The following AMER1 variants were observed in gnomAD, a reference collection of about 807,000 sequenced individuals.
AMER1 encodes APC membrane recruitment protein 1, also known as RP11-403E24.2.
In AMER1, 16 loss-of-function variants were observed where a neutral mutation model predicts 53.0. That is an observed-to-expected ratio of 0.30 (90% CI 0.20 to 0.46). AMER1 has a LOEUF of 0.46. AMER1 is among the 20% of genes least tolerant of loss of function. The probability of loss-of-function intolerance (pLI) is 1.00; values close to 1 mark genes in which losing one functional copy is unlikely to be tolerated. For synonymous variants in AMER1, 354 were observed against 331.9 expected, an observed-to-expected ratio of 1.07 and a Z score of -0.73; for missense variants, 947 against 884.9, an observed-to-expected ratio of 1.07 and a Z score of -0.89.
chrX:64,203,728 G>A (rs539912051), intron 1 of AMER1, among the ~76,000 whole-genome samples: 3 of 111,444 alleles, frequency 2.7e-5, no homozygotes, highest in African/African-American at 9.8e-5. Context: ...GGTGTAGGCT[G>A]AGTGGGTTTG....
At position 64,186,022 on chromosome X, in the gene AMER1, TA is replaced by T; in HGVS notation, c.*3856del. 2.5e-6 allele frequency: 2 copies of T among 798,455 alleles called. No individual in the cohort carries two copies. Among genetic ancestry groups the T allele is most frequent in the South Asian group, 3.0e-5 (1 of 33,853 alleles). The allele number at this position is 798,455 out of a possible 1,213,427, so 65.8% of individuals were successfully genotyped here. A position where few individuals can be genotyped will look rare whatever the true frequency, so the allele number is the denominator to read the frequency against. On this transcript the variant is annotated 3_prime_UTR_variant, in exon 2 of 2. Coordinates refer to ENST00000374869, the MANE Select transcript of AMER1 (RefSeq NM_152424.4). ...CACAAAACATAACGAGGAAAAAAAA[TA>T]AGACACATGAGTACTCTCAGAGGGT...
At chrX:64,203,016 C>T (rs1007797076) in intron 1 of AMER1, among the ~76,000 whole-genome samples, 1 of 111,576 alleles carries the variant, frequency 9.0e-6, no homozygotes, top group Non-Finnish European at 1.9e-5. Flanking sequence ...ATCACTTTCT[C>T]CCCTCCCATT....
chrX:64,190,945 T>C lies in AMER1; in HGVS notation c.2342A>G (p.Asn781Ser), dbSNP rs1483729468. ...QALVEFTSNG[N>S]LFSSMSCSSD... ...GCTGCAGGACATGCTGGAAAAGAGG[T>C]TCCCATTGCTGGTGAACTCTACCAG... is the stretch of plus-strand genomic sequence containing the variant. The change falls in exon 2 of 2, where the codon AAC becomes AGC. Residue 781 changes from asparagine (N) to serine (S), a missense_variant. Coordinates refer to ENST00000374869, the MANE Select transcript of AMER1 (RefSeq NM_152424.4). 7.4e-6 allele frequency: 9 copies of C among 1,210,696 alleles called. No homozygotes were observed. Among genetic ancestry groups the C allele is most frequent in the Non-Finnish European group, 8.9e-6 (8 of 895,109 alleles).
At position 64,191,996 on chromosome X, in the gene AMER1, G is replaced by A. The variant is rs1395933177; in HGVS notation, c.1291C>T (p.Pro431Ser). ...AGGAGCATGTAGCCGTGGTGGCCTG[G>A]GGATGTGGTGGGATGGTAGCCCAGG... ...MNLGYHPTTS[P>S]GHHGYMLLDP... Residue 431 changes from proline to serine, a missense_variant, in exon 2 of 2, where the codon CCA (proline) becomes TCA (serine). Pro to Ser is a moderately conservative substitution (Grantham distance 74). Coordinates refer to ENST00000374869, the MANE Select transcript of AMER1 (RefSeq NM_152424.4). The A allele has an allele frequency of 8.3e-7, 1 of 1,210,357 alleles. No homozygotes were observed.
chrX:64,192,903 G>A lies in AMER1; in HGVS notation c.384C>T (p.Pro128=). The change falls in exon 2 of 2, where the codon CCC becomes CCT. Residue 128 remains proline, a synonymous_variant. Coordinates refer to ENST00000374869, the MANE Select transcript of AMER1 (RefSeq NM_152424.4). ...LPLPELPCQF[P]SSQSAHGALE... ...AAGCCCCATGGGCACTCTGAGAGCTGGGAAATTGGCAGGGTAACTCAGGCA... is the reference window on the plus strand; with the variant it reads ...AAGCCCCATGGGCACTCTGAGAGCTAGGAAATTGGCAGGGTAACTCAGGCA... 1.7e-6 allele frequency: 2 copies of A among 1,211,987 alleles called. No individual in the cohort carries two copies. The highest frequency in any genetic ancestry group is 2.2e-6 in the Non-Finnish European group (2 of 895,578).
intron 1 of AMER1, among the ~76,000 whole-genome samples, chrX:64,204,734 G>A (rs1930561702): frequency 8.8e-6 from 1 of 113,245 alleles, no homozygotes; most frequent in Admixed American, 9.2e-5. Context: ...CAAGGGAAAA[G>A]GAGGTGAGGC....
chrX:64,186,044 AG>A lies in AMER1; in HGVS notation c.*3834del, dbSNP rs1266638918. The stretch of plus-strand genomic sequence containing the variant: ...AAATAAGACACATGAGTACTCTCAG[AG>A]GGTCTAGACATGGGGAAGAAGGGTT... On this transcript the variant is annotated 3_prime_UTR_variant, in exon 2 of 2. Coordinates refer to ENST00000374869, the MANE Select transcript of AMER1 (RefSeq NM_152424.4). 19 of 977,450 alleles carry A rather than the reference AG, an allele frequency of 1.9e-5. No homozygotes were observed. The highest frequency in any genetic ancestry group is 2.2e-5 in the Non-Finnish European group (15 of 694,984). The allele number at this position is 977,450 out of a possible 1,213,427, so 80.6% of individuals were successfully genotyped here.
rs1464385859 is a variant in AMER1, at chrX:64,191,192, G to A, written c.2095C>T (p.Arg699Cys). The A allele has an allele frequency of 6.6e-6, 8 of 1,210,540 alleles. No homozygotes were observed. Among genetic ancestry groups the A allele is most frequent in the East Asian group, 3.0e-5 (1 of 33,724 alleles). Reference sequence around the variant, plus strand: ...CCTTCATAACGCTTCTCCAGAGGACGGAAGTCCCTCCAGTCTGGCTCGCTG... The same window carrying A: ...CCTTCATAACGCTTCTCCAGAGGACAGAAGTCCCTCCAGTCTGGCTCGCTG... ...ASSEPDWRDF[R>C]PLEKRYEGTC... The change falls in exon 2 of 2, where the codon CGT (arginine) becomes TGT (cysteine). Residue 699 changes from arginine to cysteine, a missense_variant. Transcript: ENST00000374869.
chrX:64,193,039 T>C lies in AMER1; in HGVS notation c.248A>G (p.Lys83Arg), dbSNP rs1186604574. 8.3e-7 allele frequency: 1 copy of C among 1,211,716 alleles called. No individual in the cohort carries two copies. The highest frequency in any genetic ancestry group is 1.1e-6 in the Non-Finnish European group (1 of 895,433). Residue 83 changes from lysine to arginine, a missense_variant, in exon 2 of 2, where the codon AAA becomes AGA. Coordinates refer to ENST00000374869, the MANE Select transcript of AMER1 (RefSeq NM_152424.4). ...GCTGAGACCTTTCTTGGAGCTGCCT[T>C]TCCCAGAACCTTTGCTCCGTCCCCC... ...FGGGRSKGSG[K>R]GSSKKGLSKS...
In AMER1 at chrX:64,187,675, A is replaced by T. The variant is rs973313114; in HGVS notation, c.*2204T>A. ...TCAAGCTGCCCTGAAAGAAGAGGCA[A>T]GAGGTGGGTTCTTCCCTGTTGTAAA... On this transcript the variant is annotated 3_prime_UTR_variant, in exon 2 of 2. Coordinates refer to ENST00000374869, the MANE Select transcript of AMER1 (RefSeq NM_152424.4). 2.1e-5 allele frequency: 16 copies of T among 773,662 alleles called. No individual in the cohort carries two copies. In the African/African-American group the frequency reaches 3.4e-4, roughly 17 times the overall value. 63.8% of individuals were successfully genotyped at this position (773,662 alleles called of 1,213,427 possible).
intron 1 of AMER1, 129 bp from the exon 2 acceptor site, chrX:64,193,513 A>C: frequency 2.1e-6 from 1 of 486,049 alleles, no homozygotes; most frequent in Non-Finnish European, 3.5e-6. Flanking sequence ...ATGTGGGGCA[A>C]ATCTTAATCC....
In AMER1 at chrX:64,191,714, G is replaced by A. The variant is rs752691441; in HGVS notation, c.1573C>T (p.Leu525Phe). ...GAGCTTCGACCATGGAGGTCATAAA[G>A]GCAGTCATCTCCAGGTGGAGAGTTC... ...LENSPPGDDC[L>F]YDLHGRSSEM... The change falls in exon 2 of 2, where the codon CTT (leucine) becomes TTT (phenylalanine). Residue 525 changes from leucine to phenylalanine, a missense_variant. Leu to Phe is a conservative substitution (Grantham distance 22, BLOSUM62 0). Transcript: ENST00000374869. The A allele has an allele frequency of 2.5e-6, 3 of 1,211,763 alleles. No individual in the cohort carries two copies. Among genetic ancestry groups the A allele is most frequent in the Non-Finnish European group, 3.4e-6 (3 of 895,455 alleles).
At chrX:64,195,424 T>G (rs1930344880) in intron 1 of AMER1, among the ~76,000 whole-genome samples, 1 of 112,214 alleles carries the variant, frequency 8.9e-6, no homozygotes, top group African/African-American at 3.2e-5. Flanking sequence ...ACTCCCAGCC[T>G]TTGCTTCTAA....
At chrX:64,204,594 A>AGAT (rs1237339176) in intron 1 of AMER1, among the ~76,000 whole-genome samples, 1 of 113,222 alleles carries the variant, frequency 8.8e-6, no homozygotes, top group Non-Finnish European at 1.9e-5. Context: ...CTGTACACAG[A>AGAT]GATGGTATGA....
In AMER1 at chrX:64,188,501, CCT is replaced by C; in HGVS notation, c.*1376_*1377del. ...TAAAGGGCTGCAACTGCCAAGAAGC[CCT>C]GTCATTTGATGATGCTAAGGACTCG... On this transcript the variant is annotated 3_prime_UTR_variant, in exon 2 of 2. Coordinates refer to ENST00000374869, the MANE Select transcript of AMER1 (RefSeq NM_152424.4). 1 of 804,546 alleles carries C rather than the reference CCT, an allele frequency of 1.2e-6. No individual in the cohort carries two copies. Among genetic ancestry groups the C allele is most frequent in the South Asian group, 6.6e-5 (1 of 15,210 alleles). The allele number at this position is 804,546 out of a possible 1,213,427, so 66.3% of individuals were successfully genotyped here.
In AMER1 at chrX:64,190,845, C is replaced by T. The variant is rs1930230368; in HGVS notation, c.2442G>A (p.Val814=). ...CACACTTGCCTTCCCCATCCCGTTCCACATCAGCGATGTCAAAGGTCACCA... is the reference window on the plus strand; with the variant it reads ...CACACTTGCCTTCCCCATCCCGTTCTACATCAGCGATGTCAAAGGTCACCA... The part of the protein sequence containing the change: ...PPMVTFDIAD[V]ERDGEGKCEE... The change falls in exon 2 of 2, where the codon GTG becomes GTA. Residue 814 remains valine, a synonymous_variant. Coordinates refer to ENST00000374869, the MANE Select transcript of AMER1 (RefSeq NM_152424.4). 8.3e-7 allele frequency: 1 copy of T among 1,210,244 alleles called. No homozygotes were observed. The highest frequency in any genetic ancestry group is 2.2e-5 in the Admixed American group (1 of 45,860).
At position 64,191,812 on chromosome X, in the gene AMER1, C is replaced by A. The variant is rs759341836; in HGVS notation, c.1475G>T (p.Arg492Met). 6 of 1,211,731 alleles carry A rather than the reference C, an allele frequency of 5.0e-6. No individual in the cohort carries two copies. In the South Asian group the frequency reaches 1.1e-4, roughly 21 times the overall value. Residue 492 changes from arginine (R) to methionine (M), a missense_variant, in exon 2 of 2, where the codon AGG (arginine) becomes ATG (methionine). By Grantham distance (91) the Arg-to-Met change is moderately conservative. Transcript: ENST00000374869. ...DSGEALGLVRRDCLPRDSYSG... is the reference protein window; with the variant it reads ...DSGEALGLVRMDCLPRDSYSG... ...GTAGCTGTCTCGGGGTAGACAATCC[C>A]TGCGGACAAGCCCCAGGGCCTCACC... is the stretch of plus-strand genomic sequence containing the variant.
chrX:64,187,879 A>G lies in AMER1; in HGVS notation c.*2000T>C. 1.3e-6 allele frequency: 1 copy of G among 777,437 alleles called. No homozygotes were observed. Among genetic ancestry groups the G allele is most frequent in the Non-Finnish European group, 1.5e-6 (1 of 652,978 alleles). The allele number at this position is 777,437 out of a possible 1,213,427, so 64.1% of individuals were successfully genotyped here. On this transcript the variant is annotated 3_prime_UTR_variant, in exon 2 of 2. Coordinates refer to ENST00000374869, the MANE Select transcript of AMER1 (RefSeq NM_152424.4). ...CTTTCATTCTCCAGCTCCACAACAGATACATTTCTTCACAATGTATCTGTA... is the reference window on the plus strand; with the variant it reads ...CTTTCATTCTCCAGCTCCACAACAGGTACATTTCTTCACAATGTATCTGTA...
chrX:64,199,940 G>A (rs1930451819), intron 1 of AMER1, among the ~76,000 whole-genome samples: 2 of 112,491 alleles, frequency 1.8e-5, no homozygotes, highest in Admixed American at 9.3e-5. Flanking sequence ...AAATACACAG[G>A]GGTTTGCCCA....
Sources: allele counts gnomAD v4.1 joint callset (sites outside exome capture counted in the v4.1 genomes callset), GRCh38; gene constraint gnomAD v4.1.1; transcripts MANE v1.5; gene names NCBI Gene and HGNC (gene_info 2026-07-23, HGNC 2026-07-21).